The following CCDC85C variants were observed in gnomAD, a reference collection of about 807,000 sequenced individuals.
CCDC85C encodes coiled-coil domain containing 85C.
A neutral mutation model predicts 38.3 loss-of-function variants in CCDC85C; 18 were observed. The observed-to-expected ratio is 0.47, with a 90% confidence interval of 0.33 to 0.70. The LOEUF (loss-of-function observed/expected upper bound fraction) is 0.70, where lower values mean the gene tolerates loss of function less well. CCDC85C is among the 30% of genes least tolerant of loss of function. The pLI, the probability that CCDC85C is intolerant of heterozygous loss-of-function variation, is 0.03. For missense variants in CCDC85C, 566 were observed against 621.2 expected (o/e 0.91, Z 0.94); for synonymous variants, 264 against 293.8 (o/e 0.90, Z 1.04).
chr14:99,503,618 C>T lies in CCDC85C; in HGVS notation c.*11628G>A. The T allele has an allele frequency of 6.4e-7, 1 of 1,559,886 alleles. No individual in the cohort carries two copies. Among genetic ancestry groups the T allele is most frequent in the Non-Finnish European group, 8.7e-7 (1 of 1,149,940 alleles). ...TATTTTCTTTTGTAACAGGTTGTTT[C>T]TCCCAAAGAAGAGAACAAAGCAGCA... On this transcript the variant is annotated 3_prime_UTR_variant, in exon 6 of 6. Transcript: ENST00000380243.
intron 1 of CCDC85C, among the ~76,000 whole-genome samples, chr14:99,598,338 G>A (rs962339966): frequency 2.6e-5 from 4 of 152,242 alleles, no homozygotes; most frequent in African/African-American, 9.6e-5. Context: ...GCGGAAAACA[G>A]ATTAGGAGCA....
At chr14:99,538,182 G>A (rs978524899) in intron 1 of CCDC85C, among the ~76,000 whole-genome samples, 2 of 152,184 alleles carry the variant, frequency 1.3e-5, no homozygotes, top group Non-Finnish European at 2.9e-5. Context: ...TCCAGGTGCA[G>A]AGGCCACAAG....
chr14:99,603,097 C>T lies in CCDC85C; in HGVS notation c.793+70G>A, dbSNP rs1036991974. The T allele has an allele frequency of 2.3e-6, 3 of 1,278,466 alleles. No homozygotes were observed. The highest frequency in any genetic ancestry group is 2.0e-6 in the Non-Finnish European group (2 of 1,012,076). The allele number at this position is 1,278,466 out of a possible 1,614,324, so 79.2% of individuals were successfully genotyped here. ...GAGTGGGACAGCCAGGGACCACCTC[C>T]TCTCGCCGCAGCCTGGGAAAAGGGC... On this transcript the variant is annotated intron_variant, in intron 1 of 5. Coordinates refer to ENST00000380243, the MANE Select transcript of CCDC85C (RefSeq NM_001144995.2). This position sits in a 1 kb window ranked among gnomAD's most constrained non-coding sequence, Gnocchi z 7.5.
chr14:99,575,350 A>G (rs1898451534), intron 1 of CCDC85C, among the ~76,000 whole-genome samples: 2 of 152,154 alleles, frequency 1.3e-5, no homozygotes, highest in South Asian at 4.1e-4. Flanking sequence ...CCAGGGCCTC[A>G]GCCGCCTACT....
chr14:99,562,758 CACGT>C (rs916902865), intron 1 of CCDC85C, among the ~76,000 whole-genome samples: 122 of 100,874 alleles, frequency 1.2e-3, no homozygotes, highest in African/African-American at 5.9e-3. Flanking sequence ...TGCATGCACA[CACGT>C]GTGTACAAAT....
intron 1 of CCDC85C, among the ~76,000 whole-genome samples, chr14:99,554,558 C>G (rs74081952): frequency 1.3e-5 from 2 of 152,336 alleles, no homozygotes; most frequent in South Asian, 2.1e-4. Context: ...AAGCAGGTGA[C>G]AGCAGGAACC....
At chr14:99,590,109 C>T (rs8182002) in intron 1 of CCDC85C, among the ~76,000 whole-genome samples, 12,549 of 152,258 alleles carry the variant, frequency 0.082, 1,016 homozygotes, top group African/African-American at 0.2. Context: ...GCTTTTAACT[C>T]GGTGGAGAGG....
chr14:99,546,005 A>C (rs79752438), intron 1 of CCDC85C, among the ~76,000 whole-genome samples: 2,373 of 152,066 alleles, frequency 0.016, 59 homozygotes, highest in African/African-American at 0.053. Flanking sequence ...GCAAAGGCAA[A>C]AAAAGCTAGA....
Position 99,588,328 on chromosome 14 carries a change from C to T in CCDC85C, c.793+14839G>A, listed in dbSNP as rs1297014121. Among the ~76,000 whole-genome samples the T allele has an allele frequency of 2.6e-5, 4 of 152,000 alleles. No homozygotes were observed. Among genetic ancestry groups the T allele is most frequent in the African/African-American group, 9.7e-5 (4 of 41,376 alleles). On this transcript the variant is annotated intron_variant, in intron 1 of 5. Transcript: ENST00000380243. The surrounding 1 kb of genome is among the most constrained non-coding windows in gnomAD (Gnocchi z 5.0). ...CCATCCAGGGTGGCTTCAGCCAGGC[C>T]GGCCAGTCCTGTGCACAAACCACCT... is the stretch of plus-strand genomic sequence containing the variant.
rs1898293434 is a variant in CCDC85C, at chr14:99,569,613, G to A, written c.794-33525C>T. ...AAAAGCCAGGACACTCCAGAGCCAA[G>A]AGCTGAACCCAGGCACATCCAGCCT... On this transcript the variant is annotated intron_variant, in intron 1 of 5. Transcript: ENST00000380243. The surrounding 1 kb of genome is among the most constrained non-coding windows in gnomAD (Gnocchi z 4.3). Among the ~76,000 whole-genome samples, 1 of 152,204 alleles carries A rather than the reference G, an allele frequency of 6.6e-6. No individual in the cohort carries two copies. The highest frequency in any genetic ancestry group is 2.1e-4 in the South Asian group (1 of 4,832).
At chr14:99,598,404 T>C (rs965909661) in intron 1 of CCDC85C, among the ~76,000 whole-genome samples, 4 of 152,180 alleles carry the variant, frequency 2.6e-5, no homozygotes, top group African/African-American at 9.7e-5. Flanking sequence ...AGGCCAGGCC[T>C]GAGCAAGAGG....
At chr14:99,557,787 C>T (rs1396571194) in intron 1 of CCDC85C, among the ~76,000 whole-genome samples, 5 of 152,036 alleles carry the variant, frequency 3.3e-5, no homozygotes, top group Admixed American at 6.6e-5. Context: ...TGGTGGTGCA[C>T]GCCTGTAATC....
At chr14:99,559,678 G>C (rs1173171139) in intron 1 of CCDC85C, among the ~76,000 whole-genome samples, 1 of 152,186 alleles carries the variant, frequency 6.6e-6, no homozygotes, top group African/African-American at 2.4e-5. Flanking sequence ...GGAGCAACGT[G>C]CCCATGTCTA....
rs1440472642 is a variant in CCDC85C, at chr14:99,520,619, T to C, written c.975+1514A>G. Among the ~76,000 whole-genome samples the C allele has an allele frequency of 1.3e-5, 2 of 149,596 alleles. No homozygotes were observed. Among genetic ancestry groups the C allele is most frequent in the Admixed American group, 6.6e-5 (1 of 15,114 alleles). ...TGGGGGCCTGCCCGCCGACCAGCCC[T>C]GATCATGGCCCCTGAACCTCAGTTT... On this transcript the variant is annotated intron_variant, in intron 3 of 5. Coordinates refer to ENST00000380243, the MANE Select transcript of CCDC85C (RefSeq NM_001144995.2). The surrounding 1 kb of genome is among the most constrained non-coding windows in gnomAD (Gnocchi z 4.1).
chr14:99,547,010 T>G (rs1278630067), intron 1 of CCDC85C, among the ~76,000 whole-genome samples: 1 of 151,760 alleles, frequency 6.6e-6, no homozygotes, highest in African/African-American at 2.4e-5. Context: ...TGTGATTTCT[T>G]TTTTTTTAAT....
intron 5 of CCDC85C, among the ~76,000 whole-genome samples, chr14:99,515,899 C>CG (rs1047600507): frequency 2.6e-5 from 4 of 151,418 alleles, no homozygotes; most frequent in African/African-American, 7.3e-5. Context: ...AAACCAGTCC[C>CG]GGGGGGGTGG....
At position 99,510,078 on chromosome 14, in the gene CCDC85C, G is replaced by A; in HGVS notation, c.*5168C>T. ...CTGCTCCCTGCTCCTCTGTAAAGATGGCCCTGAAGGGCCAGGAGGCACTGA... is the reference window on the plus strand; with the variant it reads ...CTGCTCCCTGCTCCTCTGTAAAGATAGCCCTGAAGGGCCAGGAGGCACTGA... On this transcript the variant is annotated 3_prime_UTR_variant, in exon 6 of 6. Coordinates refer to ENST00000380243, the MANE Select transcript of CCDC85C (RefSeq NM_001144995.2). 1.4e-5 allele frequency: 19 copies of A among 1,396,662 alleles called. No homozygotes were observed. Among genetic ancestry groups the A allele is most frequent in the Non-Finnish European group, 1.7e-5 (18 of 1,042,452 alleles). 86.5% of individuals were successfully genotyped at this position (1,396,662 alleles called of 1,614,324 possible). A position where few individuals can be genotyped will look rare whatever the true frequency, so the allele number is the denominator to read the frequency against.
intron 1 of CCDC85C, among the ~76,000 whole-genome samples, chr14:99,579,861 G>GTTGTTGGTC (rs1191429250): frequency 6.6e-6 from 1 of 152,138 alleles, no homozygotes; most frequent in Non-Finnish European, 1.5e-5. Flanking sequence ...GACACACACG[G>GTTGTTGGTC]TTGTTGGTCG....
intron 3 of CCDC85C, among the ~76,000 whole-genome samples, chr14:99,518,593 A>G (rs1208652901): frequency 6.6e-6 from 1 of 152,184 alleles, no homozygotes; most frequent in African/African-American, 2.4e-5. Context: ...CGCGCCAGAC[A>G]GCAGGGGGCG....
Sources: allele counts gnomAD v4.1 joint callset (sites outside exome capture counted in the v4.1 genomes callset), GRCh38; gene constraint gnomAD v4.1.1; non-coding constraint Gnocchi (gnomAD v3.1); transcripts MANE v1.5; gene names NCBI Gene and HGNC (gene_info 2026-07-23, HGNC 2026-07-21).